The following NCKAP1 variants were observed in gnomAD, a reference collection of about 807,000 sequenced individuals.
NCKAP1 encodes NCK associated protein 1.
In NCKAP1, 21 loss-of-function variants were observed where a neutral mutation model predicts 151.2. The observed-to-expected ratio is 0.14, with a 90% CI of 0.10 to 0.20. The LOEUF (loss-of-function observed/expected upper bound fraction) is 0.20. Among genes scored for constraint, NCKAP1 ranks in the 10% least tolerant of loss-of-function variants. NCKAP1 has a pLI of 1.00. For synonymous variants in NCKAP1, 484 were observed against 451.8 expected (o/e 1.07, Z -0.90); for missense variants, 933 against 1,352.1 (o/e 0.69, Z 4.86).
intron 8 of NCKAP1, among the ~76,000 whole-genome samples, chr2:182,991,290 G>C (rs1381907847): frequency 2.6e-5 from 4 of 152,162 alleles, no homozygotes; most frequent in Non-Finnish European, 4.4e-5. Flanking sequence ...GGGCATGATG[G>C]CTCACACCTG....
chr2:183,009,587 TC>T (rs1167332583), intron 2 of NCKAP1, among the ~76,000 whole-genome samples: 2 of 152,232 alleles, frequency 1.3e-5, no homozygotes, highest in East Asian at 3.8e-4. Context: ...AATTGAATCC[TC>T]TTAATACTTT....
chr2:183,008,466 CT>C (rs1698524342), intron 2 of NCKAP1, among the ~76,000 whole-genome samples: 1 of 152,096 alleles, frequency 6.6e-6, no homozygotes, highest in Non-Finnish European at 1.5e-5. Context: ...AATCAAAGCC[CT>C]TGTCTATCTC....
rs112733310 is a variant in NCKAP1, at chr2:182,993,841, G to A, written c.790+998C>T. Among the ~76,000 whole-genome samples the A allele has an allele frequency of 2.0e-3, 309 of 152,274 alleles. 2 individuals are homozygous for A. The highest frequency in any genetic ancestry group is 3.4e-3 in the Middle Eastern group (1 of 292). On this transcript the variant is annotated intron_variant, in intron 8 of 30. Coordinates refer to ENST00000361354, the MANE Select transcript of NCKAP1 (RefSeq NM_013436.5). ...TTACCTATATAACAAACCTGCACATGTATGCATGAACCTAAAAGTTTAAAT... is the reference window on the plus strand; with the variant it reads ...TTACCTATATAACAAACCTGCACATATATGCATGAACCTAAAAGTTTAAAT...
At chr2:182,951,165 C>A (rs1442664864) in intron 23 of NCKAP1, among the ~76,000 whole-genome samples, 1 of 151,900 alleles carries the variant, frequency 6.6e-6, no homozygotes, top group Non-Finnish European at 1.5e-5. Flanking sequence ...GGTAATATTG[C>A]CTCTCCTTAA....
chr2:182,960,420 T>G (rs1366305866), intron 18 of NCKAP1, among the ~76,000 whole-genome samples: 6 of 152,160 alleles, frequency 3.9e-5, no homozygotes, highest in Middle Eastern at 6.8e-3. Flanking sequence ...CCCTCAGAAA[T>G]AATGCCGCAT....
chr2:182,965,952 C>T (rs1559085274), intron 16 of NCKAP1, among the ~76,000 whole-genome samples: 1 of 152,114 alleles, frequency 6.6e-6, no homozygotes. Context: ...TCATTATTTC[C>T]TTTAAGAGGC....
chr2:182,925,240 A>G lies in NCKAP1; in HGVS notation c.*462T>C, dbSNP rs2105794504. 6.6e-6 allele frequency: 1 copy of G among 152,310 alleles called. No individual in the cohort carries two copies. The highest frequency in any genetic ancestry group is 1.9e-4 in the East Asian group (1 of 5,198). 9.4% of individuals were successfully genotyped at this position (152,310 alleles called of 1,614,324 possible). On this transcript the variant is annotated 3_prime_UTR_variant, in exon 31 of 31. Transcript: ENST00000361354. The stretch of plus-strand genomic sequence containing the variant: ...ATGTTTCAAAATAAAGTAGAAATGT[A>G]TTCATAACATCACAGAAATGCACAT...
At position 182,989,061 on chromosome 2, in the gene NCKAP1, C is replaced by T. The variant is rs753055512; in HGVS notation, c.916G>A (p.Ala306Thr). The change falls in exon 9 of 31, where the codon GCT (alanine) becomes ACT (threonine). Residue 306 changes from alanine (A) to threonine (T), a missense_variant. Around this residue, in one of 2 missense-constraint regions of NCKAP1, gnomAD observed 607 missense variants for 795.0 expected, o/e 0.76. Coordinates refer to ENST00000361354, the MANE Select transcript of NCKAP1 (RefSeq NM_013436.5). The part of the protein sequence containing the change: ...FRDEVFHIHK[A>T]AEDLFVNIRG... ...ATGTTTACAAATAAGTCTTCTGCAG[C>T]TTTGTGAATGTGGAAAACTTCATCC... The T allele has an allele frequency of 4.3e-6, 7 of 1,612,738 alleles. No individual in the cohort carries two copies. Among genetic ancestry groups the T allele is most frequent in the Admixed American group, 1.7e-5 (1 of 59,634 alleles).
intron 25 of NCKAP1, among the ~76,000 whole-genome samples, chr2:182,935,057 G>C (rs1696845331): frequency 6.6e-6 from 1 of 152,104 alleles, no homozygotes; most frequent in South Asian, 2.1e-4. Flanking sequence ...TACTGATAAT[G>C]AAGATCACTG....
At chr2:183,011,611 T>G (rs1698591468) in intron 2 of NCKAP1, among the ~76,000 whole-genome samples, 1 of 152,244 alleles carries the variant, frequency 6.6e-6, no homozygotes, top group African/African-American at 2.4e-5. Flanking sequence ...TTTTAATTGG[T>G]GAGTAGTATT....
At chr2:182,975,390 T>C (rs367638095) in intron 15 of NCKAP1, among the ~76,000 whole-genome samples, 65 of 152,014 alleles carry the variant, frequency 4.3e-4, no homozygotes, top group African/African-American at 1.4e-3. Context: ...CTAGAGAATA[T>C]AGAACAAAAA....
intron 26 of NCKAP1, among the ~76,000 whole-genome samples, chr2:182,933,558 T>G (rs1168376054): frequency 1.4e-4 from 21 of 152,106 alleles, no homozygotes; most frequent in Non-Finnish European, 1.5e-5. Flanking sequence ...CACGCCTGGC[T>G]AATTTTGTAT....
intron 1 of NCKAP1, among the ~76,000 whole-genome samples, chr2:183,029,047 G>T (rs1416498711): frequency 6.6e-6 from 1 of 151,978 alleles, no homozygotes; most frequent in Non-Finnish European, 1.5e-5. Flanking sequence ...AACCCGGAAG[G>T]CGCAGGTTGC....
chr2:182,982,850 T>C lies in NCKAP1; in HGVS notation c.1179A>G (p.Pro393=). The C allele has an allele frequency of 6.2e-7, 1 of 1,610,632 alleles. No individual in the cohort carries two copies. The highest frequency in any genetic ancestry group is 8.5e-7 in the Non-Finnish European group (1 of 1,178,430). ...IWLLRHADNM[P]KKSADDFIDK... Reference sequence around the variant, plus strand: ...CTATAAAGTCGTCTGCACTCTTCTTTGGCATGTTATCTGCATGACGAAGTA... The same window carrying C: ...CTATAAAGTCGTCTGCACTCTTCTTCGGCATGTTATCTGCATGACGAAGTA... Residue 393 remains proline, a synonymous_variant, in exon 12 of 31, where the codon CCA becomes CCG. Coordinates refer to ENST00000361354, the MANE Select transcript of NCKAP1 (RefSeq NM_013436.5).
chr2:182,928,741 C>T, intron 28 of NCKAP1, 42 bp downstream of exon 28: 1 of 1,320,336 alleles, frequency 7.6e-7, no homozygotes. Context: ...TACCAAAACC[C>T]ATGATTTATT....
chr2:182,927,116 G>A, intron 29 of NCKAP1: 1 of 423,406 alleles, frequency 2.4e-6, no homozygotes, highest in Non-Finnish European at 4.1e-6. Flanking sequence ...CATAATAAAT[G>A]TAATCAAATA....
chr2:183,009,633 T>C (rs1372997616), intron 2 of NCKAP1, among the ~76,000 whole-genome samples: 3 of 152,220 alleles, frequency 2.0e-5, no homozygotes, highest in Non-Finnish European at 2.9e-5. Flanking sequence ...TGTGGTAAAA[T>C]ACGCATAAAA....
At chr2:182,939,964 TTAA>T (rs1358307821) in intron 24 of NCKAP1, among the ~76,000 whole-genome samples, 1 of 152,358 alleles carries the variant, frequency 6.6e-6, no homozygotes, top group East Asian at 1.9e-4. Context: ...TGAGTCACCA[TTAA>T]TTATTATACA....
chr2:183,004,488 CAAA>C (rs34055584), intron 2 of NCKAP1, among the ~76,000 whole-genome samples: 2 of 78,812 alleles, frequency 2.5e-5, no homozygotes, highest in Non-Finnish European at 5.6e-5. Context: ...AAACAGCAAG[CAAA>C]AAAAAAAAAA....
Sources: allele counts gnomAD v4.1 joint callset (sites outside exome capture counted in the v4.1 genomes callset), GRCh38; gene constraint gnomAD v4.1.1; regional missense constraint gnomAD v4.1.1; transcripts MANE v1.5; gene names NCBI Gene and HGNC (gene_info 2026-07-23, HGNC 2026-07-21).